DCAF6: variants seen among roughly 807,000 people sequenced by gnomAD.
The protein encoded by DCAF6 is DDB1- and CUL4-associated factor 6.
In DCAF6, 54 loss-of-function variants were observed where a neutral mutation model predicts 125.1. The ratio of observed to expected loss-of-function variants is 0.43; its 90% CI spans 0.35 to 0.54. The LOEUF (loss-of-function observed/expected upper bound fraction) is 0.54, where lower values mean the gene tolerates loss of function less well. Among genes scored for constraint, DCAF6 ranks in the 20% least tolerant of loss-of-function variants. The pLI, the probability that DCAF6 is intolerant of heterozygous loss-of-function variation, is 0.01. For missense variants in DCAF6, 934 were observed against 1,161.7 expected (o/e 0.80, Z 2.85); for synonymous variants, 371 against 390.4 (o/e 0.95, Z 0.58).
chr1:167,942,213 C>T (rs1243196862), intron 1 of DCAF6, among the ~76,000 whole-genome samples: 1 of 151,482 alleles, frequency 6.6e-6, no homozygotes, highest in African/African-American at 2.4e-5. Context: ...TATGGGCATG[C>T]GCCACCATGC....
chr1:168,071,385 C>T (rs965208115), intron 21 of DCAF6, among the ~76,000 whole-genome samples: 11 of 152,200 alleles, frequency 7.2e-5, no homozygotes, highest in African/African-American at 2.7e-4. Flanking sequence ...AGGTGAATCA[C>T]CTGAGGTCAG....
the DCAF6 span, chr1:167,896,501 A>T: frequency 1.0e-6 from 1 of 1,001,164 alleles, no homozygotes; most frequent in Non-Finnish European, 1.6e-6. Flanking sequence ...TGTGTTGAGG[A>T]GCCCACCCAC....
chr1:167,887,193 T>C, the DCAF6 span, among the ~76,000 whole-genome samples: 1 of 152,186 alleles, frequency 6.6e-6, no homozygotes, highest in African/African-American at 2.4e-5. Context: ...ATCCCATTAC[T>C]GGGTATGTAC....
At chr1:168,072,884 T>TA (rs755767443) in intron 21 of DCAF6, among the ~76,000 whole-genome samples, 21 of 152,286 alleles carry the variant, frequency 1.4e-4, no homozygotes, top group Admixed American at 7.8e-4. Context: ...CCTGAAGAAA[T>TA]ATTCTAACAG....
chr1:168,019,254 C>T (rs1490139830), intron 11 of DCAF6, among the ~76,000 whole-genome samples: 2 of 151,960 alleles, frequency 1.3e-5, no homozygotes, highest in Admixed American at 6.6e-5. Flanking sequence ...TTCACCGTGT[C>T]AGCCAGGATG....
At chr1:167,993,103 A>G (rs1681105773) in intron 6 of DCAF6, 123 bp from the exon 7 acceptor site, 6 of 867,998 alleles carry the variant, frequency 6.9e-6, no homozygotes, top group Non-Finnish European at 1.0e-5. Context: ...CTGGAAATAA[A>G]CGTGATGGCT....
intron 21 of DCAF6, among the ~76,000 whole-genome samples, chr1:168,074,944 C>A (rs1693632427): frequency 6.6e-6 from 1 of 152,164 alleles, no homozygotes; most frequent in South Asian, 2.1e-4. Flanking sequence ...GGTTTTATCA[C>A]AATGCCTGGA....
At chr1:167,992,861 A>C (rs1238608780) in intron 6 of DCAF6, among the ~76,000 whole-genome samples, 1 of 152,242 alleles carries the variant, frequency 6.6e-6, no homozygotes, top group Non-Finnish European at 1.5e-5. Context: ...GTAGTATGCT[A>C]ATAAGTATTA....
At chr1:167,938,428 G>C (rs947354794) in intron 1 of DCAF6, among the ~76,000 whole-genome samples, 1 of 152,138 alleles carries the variant, frequency 6.6e-6, no homozygotes, top group Non-Finnish European at 1.5e-5. Flanking sequence ...AAGTACCATA[G>C]GGTACTCAAC....
chr1:167,903,075 TA>T, the DCAF6 span, among the ~76,000 whole-genome samples: 5 of 151,454 alleles, frequency 3.3e-5, no homozygotes, highest in Non-Finnish European at 7.4e-5. Context: ...GCCAACATGG[TA>T]AAACCCTATC....
At chr1:168,009,179 T>C (rs188452915) in intron 10 of DCAF6, among the ~76,000 whole-genome samples, 17 of 151,650 alleles carry the variant, frequency 1.1e-4, no homozygotes, top group Non-Finnish European at 2.1e-4. Context: ...TTTATACTTT[T>C]AGTAGAGACA....
At chr1:167,936,575 T>C, upstream of DCAF6, 1 of 296,488 alleles carries the variant, frequency 3.4e-6, no homozygotes, top group Non-Finnish European at 6.4e-6. Context: ...CGAGAAAGGG[T>C]TGGCGGGGAG....
At chr1:167,925,458 T>C in the DCAF6 span, among the ~76,000 whole-genome samples, 2 of 113,722 alleles carry the variant, frequency 1.8e-5, no homozygotes, top group Admixed American at 9.5e-5. Flanking sequence ...TATATATATA[T>C]ATATATATAT....
chr1:167,909,936 G>A, the DCAF6 span, among the ~76,000 whole-genome samples: 1 of 145,824 alleles, frequency 6.9e-6, no homozygotes, highest in Non-Finnish European at 1.5e-5. Context: ...CGGCGCCACT[G>A]ATGACCAGGT....
chr1:168,024,655 T>C (rs1486654189), intron 12 of DCAF6, among the ~76,000 whole-genome samples: 1 of 151,984 alleles, frequency 6.6e-6, no homozygotes. Context: ...AAAACAAAAA[T>C]TAGCCGGATG....
chr1:167,926,254 T>C, the DCAF6 span, among the ~76,000 whole-genome samples: 3 of 152,246 alleles, frequency 2.0e-5, no homozygotes, highest in Non-Finnish European at 4.4e-5. Context: ...ATTTAAACTA[T>C]CAAGGAGTTC....
intron 4 of DCAF6, among the ~76,000 whole-genome samples, chr1:167,982,962 AGATGACTGTAGGT>A (rs1679423498): frequency 6.6e-6 from 1 of 152,214 alleles, no homozygotes; most frequent in South Asian, 2.1e-4. Flanking sequence ...GTCGAAGATC[AGATGACTGTAGGT>A]GTGTGGCTTT....
At chr1:168,038,587 A>G (rs998030530) in intron 13 of DCAF6, 99 bp downstream of exon 13, 26 of 881,168 alleles carry the variant, frequency 3.0e-5, no homozygotes, top group East Asian at 8.4e-5. Flanking sequence ...TTGTTTTGCT[A>G]TAAGGTATTG....
intron 3 of DCAF6, among the ~76,000 whole-genome samples, chr1:167,968,267 G>T (rs1676742708): frequency 6.6e-6 from 1 of 152,092 alleles, no homozygotes; most frequent in Non-Finnish European, 1.5e-5. Flanking sequence ...AAGTAAAAAG[G>T]TCTCTATAAA....
Sources: allele counts gnomAD v4.1 joint callset (sites outside exome capture counted in the v4.1 genomes callset), GRCh38; gene constraint gnomAD v4.1.1; transcripts MANE v1.5; gene names NCBI Gene and HGNC (gene_info 2026-07-23, HGNC 2026-07-21).